HEATR5A: variants seen among roughly 807,000 people sequenced by gnomAD.
HEATR5A encodes HEAT repeat-containing protein 5A.
In HEATR5A, 178 loss-of-function variants were observed where a neutral mutation model predicts 218.8. The observed-to-expected ratio is 0.81, with a 90% CI of 0.72 to 0.92. HEATR5A has a LOEUF of 0.92. Ranked by LOEUF, HEATR5A falls within the 40% of genes least tolerant of loss-of-function variation. HEATR5A has a pLI of 0.00. For missense variants in HEATR5A, 2,420 were observed against 2,418.9 expected (o/e 1.00, Z -0.01); for synonymous variants, 864 against 871.6 (o/e 0.99, Z 0.15).
chr14:31,307,864 C>T (rs573529988), intron 30 of HEATR5A, 29 bp downstream of exon 30: 5 of 1,602,376 alleles, frequency 3.1e-6, no homozygotes, highest in East Asian at 4.5e-5. Flanking sequence ...ACTACAGAAG[C>T]CTTACAAAAA....
At chr14:31,413,459 T>G in intron 1 of HEATR5A, among the ~76,000 whole-genome samples, 1 of 151,380 alleles carries the variant, frequency 6.6e-6, no homozygotes, top group Non-Finnish European at 1.5e-5. Flanking sequence ...CTGGATTCCA[T>G]GATGGCGAGA....
intron 9 of HEATR5A, among the ~76,000 whole-genome samples, chr14:31,385,482 C>CAT (rs2030180484): frequency 6.6e-6 from 1 of 151,924 alleles, no homozygotes; most frequent in Non-Finnish European, 1.5e-5. Context: ...CATTTATGAC[C>CAT]ATATATTGAA....
chr14:31,408,061 T>C (rs1203233509), intron 1 of HEATR5A, among the ~76,000 whole-genome samples: 2 of 152,244 alleles, frequency 1.3e-5, no homozygotes, highest in African/African-American at 4.8e-5. Context: ...AGACTAGGTA[T>C]TTCTCTGGGC....
In HEATR5A at chr14:31,394,069, GA is replaced by G; in HGVS notation, c.754del (p.Ser252LeufsTer25). 1 of 1,521,910 alleles carries G rather than the reference GA, an allele frequency of 6.6e-7. No homozygotes were observed. The highest frequency in any genetic ancestry group is 8.8e-7 in the Non-Finnish European group (1 of 1,141,256). 94.3% of individuals were successfully genotyped at this position (1,521,910 alleles called of 1,614,324 possible). A position where few individuals can be genotyped will look rare whatever the true frequency, so the allele number is the denominator to read the frequency against. On this transcript the variant is annotated frameshift_variant, in exon 6 of 36. Coordinates refer to ENST00000543095, the MANE Select transcript of HEATR5A (RefSeq NM_015473.4). LOFTEE classifies it high-confidence loss of function. Reference sequence around the variant, plus strand: ...GTATTTACCTGTTCCTGGATGTTTAGAAATTACAGCTTTAGCTAATATTATG... The same window carrying G: ...GTATTTACCTGTTCCTGGATGTTTAGAATTACAGCTTTAGCTAATATTATG... ...LGIILAKAVI[S>X]KHPGTAASRQ...
intron 22 of HEATR5A, among the ~76,000 whole-genome samples, chr14:31,329,446 A>G (rs1317515608): frequency 1.3e-5 from 2 of 152,234 alleles, no homozygotes; most frequent in Non-Finnish European, 2.9e-5. Flanking sequence ...ATTGGGCTGC[A>G]GTCCCCACGC....
At chr14:31,393,052 T>C (rs1221504407) in intron 6 of HEATR5A, among the ~76,000 whole-genome samples, 1 of 152,088 alleles carries the variant, frequency 6.6e-6, no homozygotes, top group Non-Finnish European at 1.5e-5. Flanking sequence ...ACTACAAGTA[T>C]CTAGAATTAT....
chr14:31,406,278 A>G (rs2031057850), intron 1 of HEATR5A, among the ~76,000 whole-genome samples: 1 of 149,538 alleles, frequency 6.7e-6, no homozygotes, highest in Non-Finnish European at 1.5e-5. Context: ...AAGTAAACAC[A>G]TATGTCAATA....
chr14:31,309,069 C>T lies in HEATR5A; in HGVS notation c.4555G>A (p.Val1519Ile). 1 of 1,613,880 alleles carries T rather than the reference C, an allele frequency of 6.2e-7. No homozygotes were observed. The change falls in exon 29 of 36, where the codon GTT becomes ATT. Residue 1519 changes from valine (V) to isoleucine (I), a missense_variant. Physicochemically the swap from Val to Ile is conservative, Grantham distance 29. Coordinates refer to ENST00000543095, the MANE Select transcript of HEATR5A (RefSeq NM_015473.4). ...GATGCTCCTTCATCTGGGTCAGCAACAACAAAACCCGTGCTTGTAAGCCAC... is the reference window on the plus strand; with the variant it reads ...GATGCTCCTTCATCTGGGTCAGCAATAACAAAACCCGTGCTTGTAAGCCAC... The part of the protein sequence containing the change: ...ALWLTSTGFV[V>I]ADPDEGASNL...
intron 13 of HEATR5A, among the ~76,000 whole-genome samples, chr14:31,367,446 C>G (rs1901843255): frequency 6.6e-6 from 1 of 151,878 alleles, no homozygotes; most frequent in Non-Finnish European, 1.5e-5. Flanking sequence ...GTTACCCAGG[C>G]TGGAGTGCAG....
intron 29 of HEATR5A, 39 bp downstream of exon 29, chr14:31,308,895 C>T (rs760781505): frequency 2.0e-6 from 3 of 1,512,356 alleles, no homozygotes; most frequent in Non-Finnish European, 2.7e-6. Flanking sequence ...AAACAAAAAA[C>T]CCCTAAGGTT....
At position 31,380,456 on chromosome 14, in the gene HEATR5A, C is replaced by T. The variant is rs138877324; in HGVS notation, c.1708+11G>A. 6 of 1,550,452 alleles carry T rather than the reference C, an allele frequency of 3.9e-6. No homozygotes were observed. Among genetic ancestry groups the T allele is most frequent in the African/African-American group, 2.7e-5 (2 of 73,794 alleles). On this transcript the variant is annotated intron_variant, in intron 11 of 35. Coordinates refer to ENST00000543095, the MANE Select transcript of HEATR5A (RefSeq NM_015473.4). Reference sequence around the variant, plus strand: ...TATTTCAAGGTATGTAAACCTTCTACAGACTGTTACCTAATGTCATCAGAG... The same window carrying T: ...TATTTCAAGGTATGTAAACCTTCTATAGACTGTTACCTAATGTCATCAGAG...
chr14:31,298,782 G>T (rs543800660), intron 33 of HEATR5A, among the ~76,000 whole-genome samples: 5 of 151,070 alleles, frequency 3.3e-5, no homozygotes, highest in Non-Finnish European at 5.9e-5. Context: ...TTTTTCCCCC[G>T]TTAAGTATGA....
chr14:31,293,987 C>CTAT lies in HEATR5A; in HGVS notation c.5734_5736dup (p.Ile1912dup). The stretch of plus-strand genomic sequence containing the variant: ...GCAGTGTTTTCAGGTTTTCTCTTGT[C>CTAT]TATTTCCTGCAGTTTTTCCATGATA... On this transcript the variant is annotated inframe_insertion, in exon 35 of 36. Coordinates refer to ENST00000543095, the MANE Select transcript of HEATR5A (RefSeq NM_015473.4). 1 of 1,606,300 alleles carries CTAT rather than the reference C, an allele frequency of 6.2e-7. No homozygotes were observed. Among genetic ancestry groups the CTAT allele is most frequent in the Non-Finnish European group, 8.5e-7 (1 of 1,176,120 alleles).
intron 22 of HEATR5A, among the ~76,000 whole-genome samples, chr14:31,329,893 A>G (rs1160583324): frequency 6.6e-6 from 1 of 152,064 alleles, no homozygotes; most frequent in Non-Finnish European, 1.5e-5. Context: ...TTCTATTTTT[A>G]GTAGAGATGG....
intron 21 of HEATR5A, among the ~76,000 whole-genome samples, chr14:31,342,652 T>C (rs1900876794): frequency 6.6e-6 from 1 of 152,128 alleles, no homozygotes; most frequent in African/African-American, 2.4e-5. Context: ...GATCTATCCA[T>C]AAAATCTACA....
In HEATR5A at chr14:31,349,921, G is replaced by A. The variant is rs1162196410; in HGVS notation, c.2576C>T (p.Thr859Ile). 6 of 1,609,326 alleles carry A rather than the reference G, an allele frequency of 3.7e-6. No homozygotes were observed. The highest frequency in any genetic ancestry group is 4.2e-6 in the Non-Finnish European group (5 of 1,177,684). Reference sequence around the variant, plus strand: ...GCTTTCTAGGGCTCCCATAACTAATGTTAAGGCAAATCTTTTCATTTCTTC... The same window carrying A: ...GCTTTCTAGGGCTCCCATAACTAATATTAAGGCAAATCTTTTCATTTCTTC... ...GPEEMKRFAL[T>I]LVMGALESPN... Residue 859 changes from threonine to isoleucine, a missense_variant, in exon 18 of 36, where the codon ACA becomes ATA. Transcript: ENST00000543095.
intron 6 of HEATR5A, among the ~76,000 whole-genome samples, chr14:31,391,926 G>C (rs141604463): frequency 6.6e-6 from 1 of 152,262 alleles, no homozygotes; most frequent in African/African-American, 2.4e-5. Context: ...TTCACTCTAT[G>C]ATGTTCCCAC....
At chr14:31,385,543 GA>G (rs1445790562) in intron 9 of HEATR5A, among the ~76,000 whole-genome samples, 1 of 152,112 alleles carries the variant, frequency 6.6e-6, no homozygotes, top group Non-Finnish European at 1.5e-5. Context: ...CATAGAGACA[GA>G]AAGTAAATTC....
intron 19 of HEATR5A, among the ~76,000 whole-genome samples, chr14:31,346,829 GAGAC>G (rs1360375856): frequency 1.3e-5 from 2 of 152,160 alleles, no homozygotes; most frequent in Non-Finnish European, 2.9e-5. Flanking sequence ...ATTAATAAGG[GAGAC>G]AGATAAGACG....
Sources: allele counts gnomAD v4.1 joint callset (sites outside exome capture counted in the v4.1 genomes callset), GRCh38; gene constraint gnomAD v4.1.1; transcripts MANE v1.5; gene names NCBI Gene and HGNC (gene_info 2026-07-23, HGNC 2026-07-21).